Variants in KAZN observed in about 807,000 individuals in gnomAD.
The protein encoded by KAZN is kazrin, periplakin interacting protein, also known as kazrin.
A neutral mutation model predicts 87.4 loss-of-function variants in KAZN; 40 were observed. The ratio of observed to expected loss-of-function variants is 0.46; its 90% CI spans 0.36 to 0.60. The LOEUF (loss-of-function observed/expected upper bound fraction) is 0.60. KAZN is among the 20% of genes least tolerant of loss of function. The pLI is 0.00. For missense variants in KAZN, 898 were observed against 1,073.9 expected (o/e 0.84, Z 2.29); for synonymous variants, 466 against 458.3 (o/e 1.02, Z -0.22).
chr1:14,312,346 C>T (rs752571582), intron 2 of KAZN, among the ~76,000 whole-genome samples: 3 of 152,172 alleles, frequency 2.0e-5, no homozygotes, highest in Non-Finnish European at 2.9e-5. Flanking sequence ...TGTGCACTTA[C>T]CTTCTAGCCG....
chr1:14,339,913 A>G (rs1334182498), intron 2 of KAZN, among the ~76,000 whole-genome samples: 4 of 152,208 alleles, frequency 2.6e-5, no homozygotes, highest in Non-Finnish European at 5.9e-5. Context: ...CTTAACTTGT[A>G]TATTAACAAA....
intron 2 of KAZN, among the ~76,000 whole-genome samples, chr1:14,450,141 C>T (rs567082365): frequency 6.6e-6 from 1 of 152,240 alleles, no homozygotes; most frequent in East Asian, 1.9e-4. Flanking sequence ...TGCAGTCTCT[C>T]TCTGCCTGTC....
At chr1:14,451,919 A>G (rs1050236598) in intron 2 of KAZN, among the ~76,000 whole-genome samples, 2 of 151,900 alleles carry the variant, frequency 1.3e-5, no homozygotes, top group Non-Finnish European at 2.9e-5. Flanking sequence ...CTGTTTTGGG[A>G]TGAGATTAAC....
Position 14,826,815 on chromosome 1 carries a change from A to G in KAZN, c.227-133869A>G, listed in dbSNP as rs545669522. Reference sequence around the variant, plus strand: ...TGGGAATCTGGGCTTAAAAGAATTCAGGCCGCCTTTGCTCTTCTCACCCAC... The same window carrying G: ...TGGGAATCTGGGCTTAAAAGAATTCGGGCCGCCTTTGCTCTTCTCACCCAC... On this transcript the variant is annotated intron_variant, in intron 1 of 14. Coordinates refer to ENST00000376030, the MANE Select transcript of KAZN (RefSeq NM_201628.3). Among the ~76,000 whole-genome samples the G allele has an allele frequency of 3.9e-5, 6 of 152,276 alleles. No homozygotes were observed. In the East Asian group the frequency reaches 1.2e-3, roughly 29 times the overall value.
chr1:14,737,844 C>T (rs955021715), intron 1 of KAZN, among the ~76,000 whole-genome samples: 7 of 152,218 alleles, frequency 4.6e-5, no homozygotes, highest in African/African-American at 1.2e-4. Context: ...TCTCCATCAG[C>T]TCTTGGGCTG....
intron 1 of KAZN, among the ~76,000 whole-genome samples, chr1:14,121,619 G>C (rs1644753579): frequency 6.6e-6 from 1 of 152,188 alleles, no homozygotes; most frequent in Non-Finnish European, 1.5e-5. Flanking sequence ...ATACATCCAT[G>C]AATAAGATGC....
intron 1 of KAZN, among the ~76,000 whole-genome samples, chr1:14,823,174 A>G (rs1177583113): frequency 6.6e-6 from 1 of 152,162 alleles, no homozygotes; most frequent in Non-Finnish European, 1.5e-5. Flanking sequence ...TCGGCCACAC[A>G]TGGGCAGGCT....
chr1:14,935,461 CG>C (rs1301837881), intron 1 of KAZN, among the ~76,000 whole-genome samples: 1 of 152,034 alleles, frequency 6.6e-6, no homozygotes, highest in Non-Finnish European at 1.5e-5. Context: ...CAAGGTGTGC[CG>C]CCAGGACCAG....
intron 2 of KAZN, among the ~76,000 whole-genome samples, chr1:15,026,141 C>G (rs1671137749): frequency 6.6e-6 from 1 of 152,164 alleles, no homozygotes; most frequent in Non-Finnish European, 1.5e-5. Context: ...CCCCGGGGCT[C>G]TTTACTTGGA....
intron 1 of KAZN, among the ~76,000 whole-genome samples, chr1:14,794,950 C>T (rs1347212163): frequency 6.6e-6 from 1 of 152,194 alleles, no homozygotes; most frequent in Non-Finnish European, 1.5e-5. Flanking sequence ...CCATCTTTCT[C>T]CCGTGCTGGA....
chr1:14,710,886 A>C (rs1460559039), intron 1 of KAZN, among the ~76,000 whole-genome samples: 1 of 152,168 alleles, frequency 6.6e-6, no homozygotes. Context: ...AACCTTAATA[A>C]ATAATTATTG....
At chr1:14,600,158 T>A (rs930707072) in intron 1 of KAZN, among the ~76,000 whole-genome samples, 1 of 152,154 alleles carries the variant, frequency 6.6e-6, no homozygotes, top group Non-Finnish European at 1.5e-5. Context: ...TGGTTATTAA[T>A]ATCATTTGAA....
intron 1 of KAZN, among the ~76,000 whole-genome samples, chr1:14,102,184 G>A (rs1001876437): frequency 2.6e-5 from 4 of 152,088 alleles, no homozygotes; most frequent in South Asian, 2.1e-4. Context: ...CCAGAGTCCC[G>A]GGGAAGACGC....
chr1:14,004,087 G>A (rs1333581265), intron 1 of KAZN, among the ~76,000 whole-genome samples: 1 of 143,812 alleles, frequency 7.0e-6, no homozygotes, highest in Non-Finnish European at 1.5e-5. Context: ...CCTCCCAAAA[G>A]AGGATATCTA....
At chr1:14,258,304 C>G (rs1650725551) in intron 2 of KAZN, among the ~76,000 whole-genome samples, 1 of 150,836 alleles carries the variant, frequency 6.6e-6, no homozygotes, top group Non-Finnish European at 1.5e-5. Context: ...CAAGCTCTGC[C>G]TCCCGGGTTC....
intron 1 of KAZN, among the ~76,000 whole-genome samples, chr1:13,913,584 T>C (rs1436699958): frequency 1.3e-5 from 2 of 152,196 alleles, no homozygotes; most frequent in African/African-American, 4.8e-5. Flanking sequence ...AGGCAATTCT[T>C]ACAGATTTGC....
intron 2 of KAZN, chr1:14,304,736 T>C (rs1050160071): frequency 2.5e-6 from 1 of 397,928 alleles, no homozygotes; most frequent in Non-Finnish European, 4.4e-6. Context: ...TTCTAGTACA[T>C]GTGGCATTAC....
intron 1 of KAZN, among the ~76,000 whole-genome samples, chr1:14,728,992 C>T (rs568844427): frequency 3.3e-5 from 5 of 152,260 alleles, no homozygotes; most frequent in African/African-American, 9.6e-5. Context: ...CCTTAGGTGA[C>T]GATTGGGAAG....
At chr1:14,746,856 T>A (rs535737765) in intron 1 of KAZN, among the ~76,000 whole-genome samples, 2 of 152,234 alleles carry the variant, frequency 1.3e-5, no homozygotes, top group African/African-American at 4.8e-5. Context: ...AAAATACATA[T>A]AACATACAAT....
Sources: allele counts gnomAD v4.1 joint callset (sites outside exome capture counted in the v4.1 genomes callset), GRCh38; gene constraint gnomAD v4.1.1; transcripts MANE v1.5; gene names NCBI Gene and HGNC (gene_info 2026-07-23, HGNC 2026-07-21).